SHPK: variants seen among roughly 807,000 people sequenced by gnomAD.
SHPK encodes carbohydrate kinase-like protein.
In SHPK, 51 loss-of-function variants were observed where a neutral mutation model predicts 46.3. The ratio of observed to expected loss-of-function variants is 1.10; its 90% CI spans 0.88 to 1.39. The LOEUF is 1.39. Ranked by LOEUF, SHPK falls within the 40% of genes most tolerant of loss-of-function variation. The probability of loss-of-function intolerance (pLI) is 0.00; values close to 1 mark genes in which losing one functional copy is unlikely to be tolerated. For missense variants in SHPK, 668 were observed against 641.3 expected (o/e 1.04, Z -0.45); for synonymous variants, 290 against 273.9 (o/e 1.06, Z -0.58).
At chr17:3,623,971 G>A (rs1281241593) in intron 3 of SHPK, 77 bp downstream of exon 3, 3 of 1,391,948 alleles carry the variant, frequency 2.2e-6, no homozygotes, top group Non-Finnish European at 3.0e-6. Context: ...AGCAGGCGGG[G>A]TGATGCTGAC....
intron 6 of SHPK, 94 bp downstream of exon 6, chr17:3,615,243 G>A (rs567162129): frequency 9.6e-6 from 12 of 1,253,210 alleles, no homozygotes; most frequent in South Asian, 1.3e-5. Context: ...CAATGTGGAC[G>A]CTGAAACCGC....
chr17:3,624,389 C>A (rs2075420793), intron 2 of SHPK, among the ~76,000 whole-genome samples, 158 bp from the exon 3 acceptor site: 2 of 152,196 alleles, frequency 1.3e-5, no homozygotes, highest in African/African-American at 4.8e-5. Context: ...GGCTTTAGTA[C>A]TTGGCTCTAC....
In SHPK at chr17:3,615,850, A is replaced by AT. The variant is rs201449504; in HGVS notation, c.824-314dup. ...TGTTGAAGAGATGTTGATCAAAGGA[A>AT]TTTTTTTTTTTTTTTTTTTTTTGAG... On this transcript the variant is annotated intron_variant, in intron 5 of 6. Transcript: ENST00000225519. Among the ~76,000 whole-genome samples, 402 of 107,586 alleles carry AT rather than the reference A, an allele frequency of 3.7e-3. 10 individuals carry two copies. The highest frequency in any genetic ancestry group is 0.015 in the Middle Eastern group (3 of 202). The allele number at this position is 107,586 out of a possible 152,430, so 70.6% of individuals were successfully genotyped here. A position where few individuals can be genotyped will look rare whatever the true frequency, so the allele number is the denominator to read the frequency against.
Position 3,612,810 on chromosome 17 carries a change from G to A in SHPK, c.1025-1838C>T, listed in dbSNP as rs369126805. Among the ~76,000 whole-genome samples, 4 of 151,266 alleles carry A rather than the reference G, an allele frequency of 2.6e-5. No homozygotes were observed. In the East Asian group the frequency reaches 7.8e-4, roughly 29 times the overall value. On this transcript the variant is annotated intron_variant, in intron 6 of 6. Transcript: ENST00000225519. Reference sequence around the variant, plus strand: ...TCTGTCACACAGGCTGGAGTGCAGTGGCGCGATCTCGGCTCACTGCAACCT... The same window carrying A: ...TCTGTCACACAGGCTGGAGTGCAGTAGCGCGATCTCGGCTCACTGCAACCT...
intron 1 of SHPK, among the ~76,000 whole-genome samples, chr17:3,631,539 T>TTTA (rs1555555401): frequency 4.7e-5 from 6 of 127,536 alleles, no homozygotes; most frequent in Non-Finnish European, 6.8e-5. Flanking sequence ...TTTTTTTTTT[T>TTTA]AGCGATAGAG....
intron 4 of SHPK, 75 bp downstream of exon 4, chr17:3,623,264 C>A (rs2075413235): frequency 6.5e-7 from 1 of 1,535,232 alleles, no homozygotes; most frequent in Non-Finnish European, 9.0e-7. Context: ...GGGAAAGCAC[C>A]CACTGAAGCA....
At chr17:3,621,651 T>C (rs990953626) in intron 4 of SHPK, among the ~76,000 whole-genome samples, 1 of 146,084 alleles carries the variant, frequency 6.8e-6, no homozygotes, top group African/African-American at 2.5e-5. Flanking sequence ...TTTCTTTCTT[T>C]TTTACTTATT....
rs779745390 is a variant in SHPK, at chr17:3,630,289, G to A, written c.226C>T (p.Leu76Phe). The A allele has an allele frequency of 3.1e-6, 5 of 1,613,682 alleles. No individual in the cohort carries two copies. The highest frequency in any genetic ancestry group is 1.7e-5 in the Admixed American group (1 of 60,032). The change falls in exon 2 of 7, where the codon CTT becomes TTT. Residue 76 changes from leucine (L) to phenylalanine (F), a missense_variant. Leu to Phe is a conservative substitution (Grantham distance 22). Coordinates refer to ENST00000225519, the MANE Select transcript of SHPK (RefSeq NM_013276.4). ...LQALHECLAALPRPQLRSVVG... is the reference protein window; with the variant it reads ...LQALHECLAAFPRPQLRSVVG... ...ACGCTCCGGAGCTGGGGTCGGGGAA[G>A]GGCAGCAAGGCACTCGTGTAGGGCT...
chr17:3,633,587 T>C (rs2075486751), intron 1 of SHPK, among the ~76,000 whole-genome samples: 1 of 152,084 alleles, frequency 6.6e-6, no homozygotes, highest in African/African-American at 2.4e-5. Context: ...GGTTAATGAC[T>C]GGCCTCCGCT....
In SHPK at chr17:3,624,175, G is replaced by A. The variant is rs139301054; in HGVS notation, c.367C>T (p.His123Tyr). The A allele has an allele frequency of 1.2e-4, 194 of 1,614,046 alleles. No individual in the cohort carries two copies. The highest frequency in any genetic ancestry group is 1.6e-4 in the Non-Finnish European group (183 of 1,180,018). The stretch of plus-strand genomic sequence containing the variant: ...CGGCCATCCTGCCACGTGACCAGGT[G>A]GCTAACAGCTCGGGGCTCGAACACC... ...TPVFEPRAVS[H>Y]LVTWQDGRCS... The change falls in exon 3 of 7, where the codon CAC (histidine) becomes TAC (tyrosine). Residue 123 changes from histidine to tyrosine, a missense_variant. His to Tyr is a moderately conservative substitution (Grantham distance 83, BLOSUM62 2). Transcript: ENST00000225519.
In SHPK at chr17:3,636,105, C is replaced by T; in HGVS notation, c.115G>A (p.Ala39Thr). 1 of 1,606,058 alleles carries T rather than the reference C, an allele frequency of 6.2e-7. No homozygotes were observed. The highest frequency in any genetic ancestry group is 8.5e-7 in the Non-Finnish European group (1 of 1,176,796). The change falls in exon 1 of 7, where the codon GCC (alanine) becomes ACC (threonine). Residue 39 changes from alanine (A) to threonine (T), a missense_variant. Transcript: ENST00000225519. ...GCCGCCTCTGCCCGCGCAGCACGGG[C>T]ACAGCTCGCCAGCACTGCGAACCCG... ...PSGFAVLASC[A>T]RAARAEAAVE...
chr17:3,622,203 G>C (rs1214083727), intron 4 of SHPK, among the ~76,000 whole-genome samples: 1 of 152,204 alleles, frequency 6.6e-6, no homozygotes, highest in South Asian at 2.1e-4. Context: ...AGTGGGGATA[G>C]AATTCAGTGC....
chr17:3,634,367 T>C (rs1170551690), intron 1 of SHPK, among the ~76,000 whole-genome samples: 1 of 151,356 alleles, frequency 6.6e-6, no homozygotes, highest in Non-Finnish European at 1.5e-5. Flanking sequence ...GTCAGGAGTT[T>C]GAGACCAGCC....
At chr17:3,617,244 G>A (rs1250960830) in intron 5 of SHPK, among the ~76,000 whole-genome samples, 1 of 152,182 alleles carries the variant, frequency 6.6e-6, no homozygotes, top group Non-Finnish European at 1.5e-5. Flanking sequence ...ACCTCTGGGA[G>A]CAACAAGCAA....
At chr17:3,612,103 C>A (rs1293050237) in intron 6 of SHPK, among the ~76,000 whole-genome samples, 1 of 150,942 alleles carries the variant, frequency 6.6e-6, no homozygotes, top group African/African-American at 2.4e-5. Context: ...CATGCCCCGC[C>A]AGCTCTGCAT....
intron 1 of SHPK, among the ~76,000 whole-genome samples, chr17:3,632,102 G>A (rs758858994): frequency 6.6e-6 from 1 of 151,358 alleles, no homozygotes; most frequent in Non-Finnish European, 1.5e-5. Flanking sequence ...GACTATAGGT[G>A]CGCGCCACCA....
At position 3,610,887 on chromosome 17, in the gene SHPK, C is replaced by T. The variant is rs79800427; in HGVS notation, c.1110G>A (p.Pro370=). Residue 370 remains proline (P), a synonymous_variant, in exon 7 of 7, where the codon CCG becomes CCA. Transcript: ENST00000225519. ...GCAGGTGCCTCTCCCCCAGCACTGT[C>T]GGGGTGATGGTCAGGTGGGTATCTC... ...QQRDTHLTIT[P]TVLGERHLPD... 1,141 of 1,613,854 alleles carry T rather than the reference C, an allele frequency of 7.1e-4. 3 individuals are homozygous for T. The highest frequency in any genetic ancestry group is 8.8e-4 in the Non-Finnish European group (1,035 of 1,179,924).
chr17:3,621,935 G>A (rs953457289), intron 4 of SHPK, among the ~76,000 whole-genome samples: 17 of 151,456 alleles, frequency 1.1e-4, no homozygotes, highest in Admixed American at 3.3e-4. Flanking sequence ...TTACAGGCGC[G>A]ACCCACCACA....
intron 5 of SHPK, among the ~76,000 whole-genome samples, chr17:3,617,163 C>A (rs1251577196): frequency 6.6e-6 from 1 of 152,206 alleles, no homozygotes; most frequent in African/African-American, 2.4e-5. Flanking sequence ...TGAGCCAATG[C>A]ACCCGGCCAA....
Sources: gnomAD v4.1 joint callset for allele counts (sites outside exome capture counted in the v4.1 genomes callset) on GRCh38, gnomAD v4.1.1 for gene constraint, MANE v1.5 for transcripts, NCBI Gene and HGNC (gene_info 2026-07-23, HGNC 2026-07-21) for gene names.